ABTB2: variants seen among roughly 807,000 people sequenced by gnomAD.
The protein encoded by ABTB2 is ankyrin repeat and BTB domain containing 2.
A neutral mutation model predicts 104.1 loss-of-function variants in ABTB2; 56 were observed. The observed-to-expected ratio is 0.54, with a 90% CI of 0.43 to 0.67. The LOEUF is 0.67. Among genes scored for constraint, ABTB2 ranks in the 30% least tolerant of loss-of-function variants. The probability of loss-of-function intolerance (pLI) is 0.00; values close to 1 mark genes in which losing one functional copy is unlikely to be tolerated. For missense variants in ABTB2, 1,279 were observed against 1,407.7 expected (o/e 0.91, Z 1.46); for synonymous variants, 606 against 608.2 (o/e 1.00, Z 0.05).
chr11:34,273,477 C>T (rs1389250371), intron 1 of ABTB2, among the ~76,000 whole-genome samples: 1 of 152,136 alleles, frequency 6.6e-6, no homozygotes, highest in East Asian at 1.9e-4. Context: ...CTCACTTCTC[C>T]ACTGGACGAA....
At chr11:34,328,287 T>C (rs1855093235) in intron 1 of ABTB2, among the ~76,000 whole-genome samples, 1 of 152,190 alleles carries the variant, frequency 6.6e-6, no homozygotes, top group Non-Finnish European at 1.5e-5. Context: ...AGGGAGTACT[T>C]GCTTTTTTGA....
rs1393473405 is a variant in ABTB2 at position 34,173,428 on chromosome 11, G to A, written c.1245-121C>T. The A allele has an allele frequency of 5.6e-6, 7 of 1,249,166 alleles. No individual in the cohort carries two copies. The African/African-American group carries it at 7.6e-5, about 14-fold the overall frequency. 77.4% of individuals were successfully genotyped at this position (1,249,166 alleles called of 1,614,324 possible). On this transcript the variant is annotated intron_variant, in intron 3 of 16. Coordinates refer to ENST00000435224, the MANE Select transcript of ABTB2 (RefSeq NM_145804.3). Reference sequence around the variant, plus strand: ...GCAGAGAGAGGGTCAGTCCTAGGGTGGGGGGCTCCCTGCTGGGCAGCAGAG... The same window carrying A: ...GCAGAGAGAGGGTCAGTCCTAGGGTAGGGGGCTCCCTGCTGGGCAGCAGAG...
chr11:34,156,071 G>A (rs1420751048), intron 14 of ABTB2, among the ~76,000 whole-genome samples: 1 of 152,218 alleles, frequency 6.6e-6, no homozygotes. Flanking sequence ...GCAGCCCCTA[G>A]GGCCAGGCCT....
intron 1 of ABTB2, among the ~76,000 whole-genome samples, chr11:34,224,189 T>G (rs187791614): frequency 9.2e-5 from 14 of 152,274 alleles, no homozygotes; most frequent in Non-Finnish European, 2.1e-4. Flanking sequence ...ATTTTGTTTA[T>G]TTTTTTGGAG....
At chr11:34,166,014 C>T (rs560920114) in intron 7 of ABTB2, among the ~76,000 whole-genome samples, 19 of 152,346 alleles carry the variant, frequency 1.2e-4, no homozygotes, top group African/African-American at 4.1e-4. Flanking sequence ...TTAACAGATA[C>T]CAGGCAGTTC....
intron 3 of ABTB2, among the ~76,000 whole-genome samples, chr11:34,181,229 C>T (rs2473914): frequency 0.78 from 118,786 of 152,036 alleles, 47,093 homozygotes; most frequent in East Asian, 0.96. Context: ...GAGGCCCCTG[C>T]AGCCTGGAAA....
intron 1 of ABTB2, among the ~76,000 whole-genome samples, chr11:34,289,428 C>A (rs2254302): frequency 0.71 from 108,050 of 152,056 alleles, 38,523 homozygotes; most frequent in South Asian, 0.84. Flanking sequence ...GCTTGACCTA[C>A]ATTGTTTTAT....
Position 34,282,534 on chromosome 11 carries a change from C to CT in ABTB2, c.883+74166dup, listed in dbSNP as rs369421155. Reference sequence around the variant, plus strand: ...GTACTTTTCTTTTTTCTTTTCTTTTCTTTTTTTTTGGAGACAGAGTCTCAC... The same window carrying CT: ...GTACTTTTCTTTTTTCTTTTCTTTTCTTTTTTTTTTGGAGACAGAGTCTCAC... On this transcript the variant is annotated intron_variant, in intron 1 of 16. Coordinates refer to ENST00000435224, the MANE Select transcript of ABTB2 (RefSeq NM_145804.3). Among the ~76,000 whole-genome samples, 208 of 150,810 alleles carry CT rather than the reference C, an allele frequency of 1.4e-3. 1 individual carries two copies. The highest frequency in any genetic ancestry group is 4.4e-3 in the South Asian group (21 of 4,756).
At chr11:34,185,864 A>G (rs1853090958) in intron 3 of ABTB2, among the ~76,000 whole-genome samples, 1 of 152,252 alleles carries the variant, frequency 6.6e-6, no homozygotes, top group Admixed American at 6.5e-5. Flanking sequence ...GGTTTGAGGC[A>G]ATGGACATGC....
chr11:34,236,236 G>T (rs375960532), intron 1 of ABTB2, among the ~76,000 whole-genome samples: 1 of 152,274 alleles, frequency 6.6e-6, no homozygotes, highest in African/African-American at 2.4e-5. Flanking sequence ...AGGTCATTTG[G>T]AACAGTCACT....
chr11:34,192,382 G>A (rs1853190252), intron 3 of ABTB2, among the ~76,000 whole-genome samples: 1 of 152,218 alleles, frequency 6.6e-6, no homozygotes, highest in Non-Finnish European at 1.5e-5. Context: ...ACTGGTTGAA[G>A]GTTATAAAAA....
chr11:34,158,918 CTGGGG>C (rs1852669429), intron 14 of ABTB2, among the ~76,000 whole-genome samples: 1 of 152,186 alleles, frequency 6.6e-6, no homozygotes, highest in African/African-American at 2.4e-5. Flanking sequence ...TGCAGGAGGG[CTGGGG>C]TGGGGCCTGG....
chr11:34,268,063 T>C (rs1854271765), intron 1 of ABTB2, among the ~76,000 whole-genome samples: 1 of 152,122 alleles, frequency 6.6e-6, no homozygotes, highest in Non-Finnish European at 1.5e-5. Flanking sequence ...CCTGAGTAGC[T>C]GGGACTATAG....
At position 34,204,627 on chromosome 11, in the gene ABTB2, C is replaced by T. The variant is rs766107001; in HGVS notation, c.947G>A (p.Arg316Gln). Reference protein sequence around the residue: ...YNGGSLGHDERADAYAQLELR... With the variant: ...YNGGSLGHDEQADAYAQLELR... Reference sequence around the variant, plus strand: ...CTCCAGCTGGGCATAGGCATCGGCTCGCTCGTCATGGCCCAGGGACCCGCC... The same window carrying T: ...CTCCAGCTGGGCATAGGCATCGGCTTGCTCGTCATGGCCCAGGGACCCGCC... The change falls in exon 2 of 17, where the codon CGA becomes CAA. Residue 316 changes from arginine to glutamine, a missense_variant. By Grantham distance (43) the Arg-to-Gln change is conservative. Transcript: ENST00000435224. 109 of 1,612,634 alleles carry T rather than the reference C, an allele frequency of 6.8e-5. 1 individual carries two copies. In the East Asian group the frequency reaches 2.0e-3, roughly 29 times the overall value.
chr11:34,302,745 G>C (rs979797032), intron 1 of ABTB2, among the ~76,000 whole-genome samples: 1 of 152,152 alleles, frequency 6.6e-6, no homozygotes, highest in Non-Finnish European at 1.5e-5. Flanking sequence ...CCTCTTTAGC[G>C]CTTGCGAGGG....
intron 1 of ABTB2, among the ~76,000 whole-genome samples, chr11:34,321,367 C>G (rs552255906): frequency 3.2e-4 from 49 of 152,194 alleles, no homozygotes; most frequent in African/African-American, 1.0e-3. Flanking sequence ...ATTCACCAAC[C>G]AATTGGAAAA....
chr11:34,299,893 C>A (rs1177786818), intron 1 of ABTB2, among the ~76,000 whole-genome samples: 3 of 152,214 alleles, frequency 2.0e-5, no homozygotes, highest in Non-Finnish European at 4.4e-5. Context: ...AGCTACTTCA[C>A]CTCTTTGTGC....
At chr11:34,331,155 C>A (rs776699545) in intron 1 of ABTB2, among the ~76,000 whole-genome samples, 1 of 152,178 alleles carries the variant, frequency 6.6e-6, no homozygotes, top group Non-Finnish European at 1.5e-5. Context: ...ATTCCTTCCA[C>A]GTGTTGAAGA....
intron 1 of ABTB2, among the ~76,000 whole-genome samples, chr11:34,348,662 A>G (rs1855362516): frequency 6.6e-6 from 1 of 152,138 alleles, no homozygotes; most frequent in Non-Finnish European, 1.5e-5. Context: ...TAAGCTTTCT[A>G]ATCACCAGAA....
Sources: allele counts gnomAD v4.1 joint callset (sites outside exome capture counted in the v4.1 genomes callset), GRCh38; gene constraint gnomAD v4.1.1; transcripts MANE v1.5; gene names NCBI Gene and HGNC (gene_info 2026-07-23, HGNC 2026-07-21).